GSTZ1: variants seen among roughly 807,000 people sequenced by gnomAD.
The protein encoded by GSTZ1 is glutathione S-transferase zeta 1, also known as maleylacetoacetate isomerase.
GSTZ1 carries 34 observed loss-of-function variants against 35.9 expected under a neutral mutation model. That is an observed-to-expected ratio of 0.95 (90% CI 0.72 to 1.26). The LOEUF is 1.26. GSTZ1 is among the 50% of genes most tolerant of loss of function. The pLI is 0.00. For synonymous variants in GSTZ1, 93 were observed against 101.2 expected (o/e 0.92, Z 0.49); for missense variants, 263 against 271.7 (o/e 0.97, Z 0.23).
At chr14:77,321,773 C>G (rs1892007438) in intron 1 of GSTZ1, among the ~76,000 whole-genome samples, 1 of 151,960 alleles carries the variant, frequency 6.6e-6, no homozygotes, top group African/African-American at 2.4e-5. Context: ...GTCCCAGCTA[C>G]TCGGGAGGCT....
At position 77,321,059 on chromosome 14, in the gene GSTZ1, CG is replaced by C. The variant is rs1197665250; in HGVS notation, c.-108del. 26 of 1,198,680 alleles carry C rather than the reference CG, an allele frequency of 2.2e-5. No homozygotes were observed. The Admixed American group carries it at 7.6e-4, about 35-fold the overall frequency. The allele number at this position is 1,198,680 out of a possible 1,614,324, so 74.3% of individuals were successfully genotyped here. A position where few individuals can be genotyped will look rare whatever the true frequency, so the allele number is the denominator to read the frequency against. The stretch of plus-strand genomic sequence containing the variant: ...TTCTAGTCCAGCCCCTCGCTTTACC[CG>C]GACGAAAGACACGGGCCTGATTCGT... On this transcript the variant is annotated 5_prime_UTR_variant, in exon 1 of 9. Transcript: ENST00000216465.
rs1400475378 is a variant in GSTZ1, at chr14:77,321,462, T to G, written c.15+279T>G. 8 of 1,509,940 alleles carry G rather than the reference T, an allele frequency of 5.3e-6. No individual in the cohort carries two copies. The African/African-American group carries it at 8.3e-5, about 16-fold the overall frequency. 93.5% of individuals were successfully genotyped at this position (1,509,940 alleles called of 1,614,324 possible). On this transcript the variant is annotated intron_variant, in intron 1 of 8. Coordinates refer to ENST00000216465, the MANE Select transcript of GSTZ1 (RefSeq NM_145870.3). ...TTCACTTCTGCTCCGCCCTCCCTGC[T>G]CCCCATAACAGACCCCTCCCTCCAC...
rs745760406 is a variant in GSTZ1 at position 77,326,831 on chromosome 14, C to G, written c.68-7C>G. On this transcript the variant is annotated splice_region_variant and splice_polypyrimidine_tract_variant and intron_variant, in intron 2 of 8. Transcript: ENST00000216465. ...TCTTTGACTCCGCTATGTGCGGTCT[C>G]TCCTAGCTCTGGCCTTGAAAGGCAT... 5 of 1,598,650 alleles carry G rather than the reference C, an allele frequency of 3.1e-6. No homozygotes were observed. Among genetic ancestry groups the G allele is most frequent in the Non-Finnish European group, 4.3e-6 (5 of 1,170,166 alleles).
chr14:77,329,953 C>A, intron 7 of GSTZ1, 146 bp downstream of exon 7: 1 of 690,058 alleles, frequency 1.4e-6, no homozygotes, highest in Non-Finnish European at 2.6e-6. Flanking sequence ...CCCACTAAAC[C>A]GTCTTAAGAG....
rs1294524620 is a variant in GSTZ1, at chr14:77,329,120, C to T, written c.343-3C>T. ...AATCACAGATTTTCTTTGGGCTGCA[C>T]AGAACCTGTCTGTCCTGAAGCAAGT... On this transcript the variant is annotated splice_region_variant and splice_polypyrimidine_tract_variant and intron_variant, in intron 5 of 8. Transcript: ENST00000216465. 2 of 1,608,146 alleles carry T rather than the reference C, an allele frequency of 1.2e-6. No homozygotes were observed. The highest frequency in any genetic ancestry group is 2.7e-5 in the African/African-American group (2 of 74,840).
intron 2 of GSTZ1, 132 bp downstream of exon 2, chr14:77,325,053 C>T (rs1028754956): frequency 1.4e-5 from 10 of 739,004 alleles, no homozygotes; most frequent in Non-Finnish European, 2.4e-5. Context: ...CAACCAGCAT[C>T]CCCCGGCTCC....
At chr14:77,327,242 C>G in intron 3 of GSTZ1, 1 of 598,566 alleles carries the variant, frequency 1.7e-6, no homozygotes, top group Non-Finnish European at 3.0e-6. Flanking sequence ...GTGTGAGATG[C>G]AGGGAAAGCC....
chr14:77,322,673 A>G (rs1460873861), intron 1 of GSTZ1: 18 of 985,334 alleles, frequency 1.8e-5, no homozygotes, highest in Non-Finnish European at 2.0e-5. Flanking sequence ...TCTTCGAAAG[A>G]CACTTTCTGC....
chr14:77,321,716 T>C (rs779174656), intron 1 of GSTZ1: 2 of 222,768 alleles, frequency 9.0e-6, no homozygotes, highest in Non-Finnish European at 1.7e-5. Flanking sequence ...ACCCTGTCTC[T>C]ATTAAAATAC....
chr14:77,326,908 A>G lies in GSTZ1; in HGVS notation c.135+3A>G. 1.3e-6 allele frequency: 2 copies of G among 1,595,300 alleles called. No homozygotes were observed. The highest frequency in any genetic ancestry group is 1.7e-6 in the Non-Finnish European group (2 of 1,167,186). On this transcript the variant is annotated splice_donor_region_variant and intron_variant, in intron 3 of 8. Coordinates refer to ENST00000216465, the MANE Select transcript of GSTZ1 (RefSeq NM_145870.3). ...TCATAAAGGATGGGGGCCAACAGGT[A>G]AGAAGGCTGTGCCCAGACCACAATG...
chr14:77,328,295 C>A, intron 5 of GSTZ1: 1 of 500,374 alleles, frequency 2.0e-6, no homozygotes, highest in Non-Finnish European at 3.6e-6. Flanking sequence ...GGGGAAAGGG[C>A]CAGAATGGCA....
rs1252770845 is a variant in GSTZ1, at chr14:77,329,292, C to G, written c.421+91C>G. ...GGCCTGGGTATCTGAACCAGCCTCC[C>G]AGGCTGCTTTGGGCCTGACAGTTGC... On this transcript the variant is annotated intron_variant, in intron 6 of 8. Transcript: ENST00000216465. 3.3e-6 allele frequency: 3 copies of G among 915,490 alleles called. No homozygotes were observed. In the African/African-American group the frequency reaches 4.9e-5, roughly 15 times the overall value. The allele number at this position is 915,490 out of a possible 1,614,324, so 56.7% of individuals were successfully genotyped here.
chr14:77,321,466 C>T (rs1335430148), intron 1 of GSTZ1: 2 of 1,504,828 alleles, frequency 1.3e-6, no homozygotes, highest in African/African-American at 2.8e-5. Flanking sequence ...CCCTGCTCCC[C>T]ATAACAGACC....
chr14:77,324,317 T>G (rs980919350), intron 1 of GSTZ1: 3 of 446,736 alleles, frequency 6.7e-6, no homozygotes, highest in Non-Finnish European at 1.2e-5. Context: ...TGATTTTTTT[T>G]TGTATTTTCA....
intron 1 of GSTZ1, chr14:77,321,513 C>A: frequency 1.5e-6 from 2 of 1,356,816 alleles, no homozygotes; most frequent in Non-Finnish European, 9.6e-7. Flanking sequence ...TCGCCCCAAG[C>A]CTCCCAATTT....
At chr14:77,324,132 T>C (rs962085109) in intron 1 of GSTZ1, 15 of 167,358 alleles carry the variant, frequency 9.0e-5, no homozygotes, top group Admixed American at 1.7e-4. Flanking sequence ...AGAAACTTCC[T>C]GCGAGTTGGA....
chr14:77,328,783 A>T, intron 5 of GSTZ1: 1 of 342,758 alleles, frequency 2.9e-6, no homozygotes, highest in Non-Finnish European at 5.6e-6. Context: ...GGGACCATGC[A>T]AGGGAGAAGT....
intron 6 of GSTZ1, chr14:77,329,465 A>G: frequency 1.7e-6 from 1 of 594,934 alleles, no homozygotes; most frequent in Non-Finnish European, 3.0e-6. Flanking sequence ...CCAGCTGGGA[A>G]ACCAAGGCCA....
At chr14:77,328,131 C>G in intron 5 of GSTZ1, 94 bp downstream of exon 5, 1 of 1,215,414 alleles carries the variant, frequency 8.2e-7, no homozygotes, top group Non-Finnish European at 1.2e-6. Context: ...GCGGGGGTGT[C>G]AAGGGAGGGA....
Sources: allele counts gnomAD v4.1 joint callset (sites outside exome capture counted in the v4.1 genomes callset), GRCh38; gene constraint gnomAD v4.1.1; transcripts MANE v1.5; gene names NCBI Gene and HGNC (gene_info 2026-07-23, HGNC 2026-07-21).